UNC13C: variants seen among roughly 807,000 people sequenced by gnomAD.
The protein encoded by UNC13C is unc-13 homolog C.
Under a neutral mutation model 245.4 loss-of-function variants are expected in UNC13C, and 174 were observed. The observed-to-expected ratio is 0.71, with a 90% CI of 0.63 to 0.80. The LOEUF (loss-of-function observed/expected upper bound fraction) is 0.80. Among genes scored for constraint, UNC13C ranks in the 30% least tolerant of loss-of-function variants. UNC13C has a pLI of 0.00. For missense variants in UNC13C, 2,829 were observed against 2,602.9 expected (o/e 1.09, Z -1.89); for synonymous variants, 992 against 895.1 (o/e 1.11, Z -1.93).
intron 19 of UNC13C, among the ~76,000 whole-genome samples, chr15:54,417,849 A>G (rs1208554640): frequency 6.6e-6 from 1 of 152,156 alleles, no homozygotes; most frequent in Non-Finnish European, 1.5e-5. Context: ...TAGTGACATA[A>G]TTCAGAATTA....
chr15:54,336,929 A>G (rs145560301), intron 16 of UNC13C, among the ~76,000 whole-genome samples: 16 of 152,244 alleles, frequency 1.1e-4, no homozygotes, highest in Middle Eastern at 6.8e-3. Flanking sequence ...CATTTTTCAC[A>G]ATTGTATAGG....
chr15:54,268,734 G>C (rs2036609957), intron 10 of UNC13C, among the ~76,000 whole-genome samples: 2 of 151,500 alleles, frequency 1.3e-5, no homozygotes, highest in South Asian at 4.2e-4. Context: ...CATGAATTAG[G>C]AGGTTTTGTC....
intron 22 of UNC13C, 67 bp downstream of exon 22, chr15:54,501,045 T>C: frequency 6.5e-7 from 1 of 1,544,904 alleles, no homozygotes; most frequent in Non-Finnish European, 8.8e-7. Context: ...GCTATTGTTT[T>C]GTGGTGTTAG....
intron 2 of UNC13C, among the ~76,000 whole-genome samples, chr15:54,066,960 G>C (rs1258983889): frequency 1.3e-5 from 2 of 151,928 alleles, no homozygotes; most frequent in Non-Finnish European, 2.9e-5. Flanking sequence ...AGGAAGAATA[G>C]ATTTTGCCAC....
the UNC13C span, among the ~76,000 whole-genome samples, chr15:53,887,890 T>C: frequency 6.6e-6 from 1 of 152,228 alleles, no homozygotes; most frequent in Admixed American, 6.5e-5. Context: ...AACTCATCCC[T>C]TTTTATGGCT....
intron 4 of UNC13C, among the ~76,000 whole-genome samples, chr15:54,177,993 A>T (rs910941288): frequency 5.9e-5 from 9 of 152,048 alleles, no homozygotes; most frequent in South Asian, 4.1e-4. Flanking sequence ...CAGAATTTTT[A>T]AAATGTGCAT....
chr15:54,246,080 C>T (rs117185372), intron 7 of UNC13C, among the ~76,000 whole-genome samples: 1,633 of 152,244 alleles, frequency 0.011, 21 homozygotes, highest in Non-Finnish European at 0.014. Context: ...GGCAGGTAGC[C>T]TGATTCCTTT....
chr15:53,929,212 T>A, the UNC13C span, among the ~76,000 whole-genome samples: 1 of 152,116 alleles, frequency 6.6e-6, no homozygotes, highest in Non-Finnish European at 1.5e-5. Context: ...TCAGATCTTG[T>A]GAGACTTATT....
intron 13 of UNC13C, among the ~76,000 whole-genome samples, chr15:54,310,776 CTATATA>C (rs1032512420): frequency 6.3e-5 from 6 of 95,882 alleles, no homozygotes; most frequent in African/African-American, 2.3e-4. Context: ...ATATCTATAT[CTATATA>C]TATGTACATA....
At chr15:54,224,291 A>C (rs1002204547) in intron 4 of UNC13C, among the ~76,000 whole-genome samples, 6 of 151,974 alleles carry the variant, frequency 3.9e-5, no homozygotes, top group African/African-American at 1.4e-4. Flanking sequence ...TGGCACTTTT[A>C]ATGTGTTAAG....
chr15:54,552,200 C>T (rs547965744), intron 28 of UNC13C, among the ~76,000 whole-genome samples: 54 of 139,746 alleles, frequency 3.9e-4, no homozygotes, highest in Admixed American at 2.6e-3. Context: ...TTTTCTATTA[C>T]TTCATAATCT....
the UNC13C span, among the ~76,000 whole-genome samples, chr15:53,872,417 A>C: frequency 5.9e-5 from 9 of 152,090 alleles, no homozygotes; most frequent in Non-Finnish European, 1.3e-4. Flanking sequence ...GTCATAATCT[A>C]GGTTGAAGAA....
intron 19 of UNC13C, among the ~76,000 whole-genome samples, chr15:54,468,259 A>C (rs902915393): frequency 6.6e-6 from 1 of 151,738 alleles, no homozygotes; most frequent in Non-Finnish European, 1.5e-5. Context: ...TTCTTGTGAG[A>C]AATGTCTACT....
chr15:54,512,961 T>C (rs997836048), intron 24 of UNC13C, among the ~76,000 whole-genome samples: 7 of 152,170 alleles, frequency 4.6e-5, no homozygotes, highest in African/African-American at 1.7e-4. Context: ...CACTAGAATA[T>C]ATGTGTGATG....
the UNC13C span, among the ~76,000 whole-genome samples, chr15:53,890,782 CCTAT>C: frequency 1.1e-4 from 17 of 151,790 alleles, no homozygotes; most frequent in Admixed American, 7.9e-4. Context: ...TGGCTAGTGG[CCTAT>C]CTATTTTTTG....
the UNC13C span, among the ~76,000 whole-genome samples, chr15:53,892,973 G>A: frequency 1.1e-4 from 16 of 152,190 alleles, no homozygotes; most frequent in Admixed American, 9.2e-4. Context: ...GGAGTTTTCC[G>A]CCTTTTTGAG....
the UNC13C span, among the ~76,000 whole-genome samples, chr15:53,898,978 C>T: frequency 1.3e-5 from 2 of 152,030 alleles, no homozygotes; most frequent in Admixed American, 6.6e-5. Context: ...AACTGTCCCC[C>T]ACACCATGCT....
intron 8 of UNC13C, among the ~76,000 whole-genome samples, chr15:54,254,163 C>T (rs2140872898): frequency 6.6e-6 from 1 of 152,296 alleles, no homozygotes; most frequent in South Asian, 2.1e-4. Context: ...TATTGATTCT[C>T]CTTTCTTTGT....
chr15:54,545,797 G>A (rs956423794), intron 26 of UNC13C, among the ~76,000 whole-genome samples: 2 of 152,112 alleles, frequency 1.3e-5, no homozygotes, highest in Non-Finnish European at 2.9e-5. Flanking sequence ...CAGTTAGAGT[G>A]ATCACTAAAA....
Sources: allele counts gnomAD v4.1 joint callset (sites outside exome capture counted in the v4.1 genomes callset), GRCh38; gene constraint gnomAD v4.1.1; transcripts MANE v1.5; gene names NCBI Gene and HGNC (gene_info 2026-07-23, HGNC 2026-07-21).